The following GALNTL5 variants were observed in gnomAD, a reference collection of about 807,000 sequenced individuals.
GALNTL5 encodes inactive polypeptide N-acetylgalactosaminyltransferase-like protein 5.
Under a neutral mutation model 51.0 loss-of-function variants are expected in GALNTL5, and 44 were observed. That is an observed-to-expected ratio of 0.86 (90% CI 0.68 to 1.11). The LOEUF (loss-of-function observed/expected upper bound fraction) is 1.11, where lower values mean the gene tolerates loss of function less well. Among genes scored for constraint, GALNTL5 ranks in the 50% least tolerant of loss-of-function variants. GALNTL5 has a pLI of 0.00. For missense variants in GALNTL5, 528 were observed against 531.8 expected (o/e 0.99, Z 0.07); for synonymous variants, 192 against 182.8 (o/e 1.05, Z -0.41).
intron 1 of GALNTL5, among the ~76,000 whole-genome samples, chr7:151,962,004 CTTT>C (rs5888458): frequency 1.5e-5 from 2 of 131,762 alleles, no homozygotes; most frequent in Admixed American, 7.9e-5. Flanking sequence ...TAGTTACCTT[CTTT>C]TTTTTTTTTT....
chr7:151,993,533 T>G (rs2081454787), intron 5 of GALNTL5, among the ~76,000 whole-genome samples: 2 of 152,166 alleles, frequency 1.3e-5, no homozygotes, highest in South Asian at 4.1e-4. Context: ...TGTTAATTAT[T>G]TATTACTAAA....
intron 1 of GALNTL5, among the ~76,000 whole-genome samples, chr7:151,966,385 A>G (rs867418297): frequency 4.0e-5 from 6 of 151,766 alleles, no homozygotes; most frequent in African/African-American, 1.5e-4. Flanking sequence ...TTCCTGCCTC[A>G]GCCTCCTGAG....
chr7:152,011,712 G>C (rs2081740942), intron 7 of GALNTL5, among the ~76,000 whole-genome samples: 6 of 152,190 alleles, frequency 3.9e-5, no homozygotes, highest in Admixed American at 3.9e-4. Flanking sequence ...TCAAACACCT[G>C]CACAAGGGAG....
intron 8 of GALNTL5, 91 bp downstream of exon 8, chr7:152,014,884 C>A: frequency 8.0e-7 from 1 of 1,248,700 alleles, no homozygotes; most frequent in Non-Finnish European, 1.1e-6. Context: ...CCAGATCCAG[C>A]GTTTGTTCTG....
chr7:151,993,574 G>A (rs887831282), intron 5 of GALNTL5, among the ~76,000 whole-genome samples: 2 of 152,064 alleles, frequency 1.3e-5, no homozygotes, highest in Non-Finnish European at 2.9e-5. Flanking sequence ...TGAAATTTCT[G>A]TTGTGGCTTA....
At chr7:151,959,786 G>A (rs189070270) in intron 1 of GALNTL5, among the ~76,000 whole-genome samples, 1 of 152,102 alleles carries the variant, frequency 6.6e-6, no homozygotes, top group Non-Finnish European at 1.5e-5. Flanking sequence ...GGAGGGTACT[G>A]GGGGGAAGGT....
chr7:151,969,931 C>T (rs1359590080), intron 2 of GALNTL5, among the ~76,000 whole-genome samples: 1 of 151,910 alleles, frequency 6.6e-6, no homozygotes, highest in Admixed American at 6.6e-5. Flanking sequence ...CTCAGCCTCC[C>T]GAGTAGCTGG....
At chr7:152,000,707 T>G (rs2081564889) in intron 5 of GALNTL5, among the ~76,000 whole-genome samples, 1 of 152,192 alleles carries the variant, frequency 6.6e-6, no homozygotes, top group Non-Finnish European at 1.5e-5. Context: ...TCATCAGCCA[T>G]TTATACGTCT....
chr7:151,998,734 T>TG (rs750098608), intron 5 of GALNTL5, among the ~76,000 whole-genome samples: 215 of 146,232 alleles, frequency 1.5e-3, no homozygotes, highest in Non-Finnish European at 2.5e-3. Context: ...ATCATGCTAC[T>TG]GCACTCCAGC....
intron 6 of GALNTL5, among the ~76,000 whole-genome samples, chr7:152,004,235 A>G (rs2081615027): frequency 6.6e-6 from 1 of 151,648 alleles, no homozygotes; most frequent in African/African-American, 2.4e-5. Context: ...CTAGAAAGAA[A>G]ACTTCTCATG....
chr7:151,968,438 G>C (rs1441541610), intron 2 of GALNTL5, among the ~76,000 whole-genome samples: 2 of 152,204 alleles, frequency 1.3e-5, no homozygotes, highest in East Asian at 3.9e-4. Context: ...TGCTCTGAAC[G>C]GCCCTCCCAC....
chr7:151,970,983 G>A lies in GALNTL5; in HGVS notation c.286G>A (p.Glu96Lys). The part of the protein sequence containing the change: ...FNHTNPELHK[E>K]LLKYGFNVII... ...CCATACAAACCCAGAACTTCATAAA[G>A]AACTTTTAAAATATGGATTTAATGT... Residue 96 changes from glutamate (E) to lysine (K), a missense_variant, in exon 3 of 9, where the codon GAA becomes AAA. Physicochemically the swap from Glu to Lys is moderately conservative, Grantham distance 56. Coordinates refer to ENST00000392800, the MANE Select transcript of GALNTL5 (RefSeq NM_145292.4). The A allele has an allele frequency of 6.2e-7, 1 of 1,606,972 alleles. No homozygotes were observed. The highest frequency in any genetic ancestry group is 1.3e-5 in the African/African-American group (1 of 74,778).
chr7:151,963,704 T>G (rs1439507677), intron 1 of GALNTL5, among the ~76,000 whole-genome samples: 1 of 152,236 alleles, frequency 6.6e-6, no homozygotes, highest in Non-Finnish European at 1.5e-5. Context: ...GGCCATTTAT[T>G]CTAATTTTTA....
At chr7:152,005,332 G>A (rs1450948287) in intron 6 of GALNTL5, among the ~76,000 whole-genome samples, 2 of 152,136 alleles carry the variant, frequency 1.3e-5, no homozygotes, top group Admixed American at 1.3e-4. Flanking sequence ...CAAGGATCAT[G>A]CCCTTTTCCC....
chr7:152,003,402 G>A (rs1023452697), intron 6 of GALNTL5, among the ~76,000 whole-genome samples: 3 of 152,196 alleles, frequency 2.0e-5, no homozygotes, highest in Non-Finnish European at 2.9e-5. Context: ...CAAGGTCAAT[G>A]GCATGTCTGG....
At position 151,982,922 on chromosome 7, in the gene GALNTL5, C is replaced by T. The variant is rs148171405; in HGVS notation, c.369-64C>T. ...ATGCAAATAAGGAGAAGTGTTTGAA[C>T]GAGATGACACAACATCCAAGGCATT... On this transcript the variant is annotated intron_variant, in intron 3 of 8. Transcript: ENST00000392800. The T allele has an allele frequency of 6.9e-3, 11,171 of 1,611,962 alleles. 136 individuals carry two copies. Among genetic ancestry groups the T allele is most frequent in the East Asian group, 0.049 (2,175 of 44,830 alleles).
Position 151,967,474 on chromosome 7 carries a change from T to C in GALNTL5, c.228T>C (p.Asp76=), listed in dbSNP as rs374944397. 135 of 1,613,600 alleles carry C rather than the reference T, an allele frequency of 8.4e-5. No homozygotes were observed. The highest frequency in any genetic ancestry group is 6.6e-4 in the Middle Eastern group (4 of 6,084). ...PHVIVKRTDE[D]KAKSMLGTDF... ...TAATAGTCAAAAGGACTGATGAAGA[T>C]AAAGCAAAGTCTATGTTAGGTAAGT... The change falls in exon 2 of 9, where the codon GAT becomes GAC. Residue 76 remains aspartate, a synonymous_variant. Transcript: ENST00000392800.
chr7:151,980,047 CTT>C (rs778148985), intron 3 of GALNTL5, among the ~76,000 whole-genome samples: 2 of 150,816 alleles, frequency 1.3e-5, no homozygotes, highest in African/African-American at 2.5e-5. Context: ...CATATTTTCT[CTT>C]TCTCTCCTAC....
intron 7 of GALNTL5, among the ~76,000 whole-genome samples, chr7:152,010,296 A>G (rs1465974207): frequency 1.3e-5 from 2 of 151,990 alleles, no homozygotes; most frequent in Admixed American, 1.3e-4. Context: ...GTATTTTAGT[A>G]GAGATGGGGT....
Sources: gnomAD v4.1 joint callset for allele counts (sites outside exome capture counted in the v4.1 genomes callset) on GRCh38, gnomAD v4.1.1 for gene constraint, MANE v1.5 for transcripts, NCBI Gene and HGNC (gene_info 2026-07-23, HGNC 2026-07-21) for gene names.